The following RALYL variants were observed in gnomAD, a reference collection of about 807,000 sequenced individuals.
RALYL encodes the protein RNA-binding Raly-like protein.
In RALYL, 29 loss-of-function variants were observed where a neutral mutation model predicts 35.1. That is an observed-to-expected ratio of 0.83 (90% confidence interval 0.61 to 1.13). RALYL has a LOEUF of 1.13. Ranked by LOEUF, RALYL falls within the 50% of genes most tolerant of loss-of-function variation. The pLI is 0.00. For synonymous variants in RALYL, 120 were observed against 127.6 expected, an observed-to-expected ratio of 0.94 and a Z score of 0.40; for missense variants, 359 against 360.4, an observed-to-expected ratio of 1.00 and a Z score of 0.03.
chr8:84,713,842 C>T (rs898686823), intron 2 of RALYL, among the ~76,000 whole-genome samples: 8 of 150,068 alleles, frequency 5.3e-5, no homozygotes, highest in Admixed American at 4.0e-4. Flanking sequence ...AAATGTCCAT[C>T]CACAGATAGG....
chr8:84,467,303 C>T (rs1067017), intron 1 of RALYL, among the ~76,000 whole-genome samples: 1 of 151,506 alleles, frequency 6.6e-6, no homozygotes, highest in African/African-American at 2.4e-5. Context: ...TCCCTCTACA[C>T]ACTGCTTTGA....
At chr8:84,499,831 T>G (rs1175240556) in intron 1 of RALYL, among the ~76,000 whole-genome samples, 1 of 152,186 alleles carries the variant, frequency 6.6e-6, no homozygotes, top group African/African-American at 2.4e-5. Context: ...CATGGCTTAC[T>G]GCAGCCTCAA....
chr8:84,310,902 C>T lies in RALYL; in HGVS notation c.-24+126478C>T, dbSNP rs1417051541. Among the ~76,000 whole-genome samples the T allele has an allele frequency of 8.3e-5, 12 of 144,228 alleles. 2 individuals carry two copies. Among genetic ancestry groups the T allele is most frequent in the African/African-American group, 3.1e-4 (12 of 38,126 alleles). 94.6% of individuals were successfully genotyped at this position (144,228 alleles called of 152,430 possible). A position where few individuals can be genotyped will look rare whatever the true frequency, so the allele number is the denominator to read the frequency against. Reference sequence around the variant, plus strand: ...CTCTACTAAAAATACAAAAAATTAGCCGGGCGCGGTGGCGGGCGCCTGTAG... The same window carrying T: ...CTCTACTAAAAATACAAAAAATTAGTCGGGCGCGGTGGCGGGCGCCTGTAG... On this transcript the variant is annotated intron_variant, in intron 1 of 8. Coordinates refer to ENST00000521268, the MANE Select transcript of RALYL (RefSeq NM_173848.7).
At chr8:84,892,545 G>GA (rs1844036466) in intron 8 of RALYL, among the ~76,000 whole-genome samples, 1 of 151,814 alleles carries the variant, frequency 6.6e-6, no homozygotes, top group South Asian at 2.1e-4. Context: ...AAGAGACGGG[G>GA]GTTGTTGTGA....
At chr8:84,762,720 G>A (rs1409622979) in intron 2 of RALYL, among the ~76,000 whole-genome samples, 2 of 151,978 alleles carry the variant, frequency 1.3e-5, no homozygotes, top group South Asian at 2.1e-4. Context: ...CTATAACTGG[G>A]AATCAATAAT....
At chr8:84,255,858 A>G (rs565878174) in intron 1 of RALYL, among the ~76,000 whole-genome samples, 2 of 152,288 alleles carry the variant, frequency 1.3e-5, no homozygotes, top group African/African-American at 2.4e-5. Flanking sequence ...GAGATATTGC[A>G]TATAATTTCA....
intron 1 of RALYL, among the ~76,000 whole-genome samples, chr8:84,429,551 A>T (rs1267482677): frequency 6.6e-6 from 1 of 152,076 alleles, no homozygotes; most frequent in Non-Finnish European, 1.5e-5. Flanking sequence ...ACAGATACAG[A>T]TACATATGCA....
intron 1 of RALYL, among the ~76,000 whole-genome samples, chr8:84,392,960 C>A (rs1861035425): frequency 6.6e-6 from 1 of 152,012 alleles, no homozygotes; most frequent in South Asian, 2.1e-4. Flanking sequence ...GTGTTGCTTT[C>A]TGTGTTTCAG....
chr8:84,458,328 A>C (rs1470665414), intron 1 of RALYL, among the ~76,000 whole-genome samples: 1 of 151,830 alleles, frequency 6.6e-6, no homozygotes, highest in Admixed American at 6.6e-5. Flanking sequence ...TTTAAGTAAA[A>C]CAATGAGGGC....
intron 3 of RALYL, among the ~76,000 whole-genome samples, chr8:84,804,017 A>C (rs1823994016): frequency 6.6e-6 from 1 of 152,224 alleles, no homozygotes; most frequent in Non-Finnish European, 1.5e-5. Flanking sequence ...ATTATCTAGG[A>C]ACTATTTAGA....
chr8:84,286,862 G>A (rs953918156), intron 1 of RALYL, among the ~76,000 whole-genome samples: 1 of 152,144 alleles, frequency 6.6e-6, no homozygotes, highest in East Asian at 1.9e-4. Context: ...GCAAAGAATG[G>A]CAGTCAGGGT....
chr8:84,276,683 A>G (rs1835448988), intron 1 of RALYL, among the ~76,000 whole-genome samples: 1 of 152,212 alleles, frequency 6.6e-6, no homozygotes, highest in Admixed American at 6.5e-5. Context: ...GAATTTAAGA[A>G]GAATCCCTGA....
At chr8:84,262,847 AT>A (rs1669430072) in intron 1 of RALYL, among the ~76,000 whole-genome samples, 1 of 152,116 alleles carries the variant, frequency 6.6e-6, no homozygotes, top group African/African-American at 2.4e-5. Context: ...TTTCATGAAG[AT>A]TTTGTTTCAC....
intron 1 of RALYL, among the ~76,000 whole-genome samples, chr8:84,500,979 C>T (rs1315167768): frequency 1.3e-5 from 2 of 152,122 alleles, no homozygotes; most frequent in Non-Finnish European, 2.9e-5. Context: ...TCAATTCTGG[C>T]TCTCAAACTT....
chr8:84,261,107 G>GTTTTT (rs1424966634), intron 1 of RALYL, among the ~76,000 whole-genome samples: 55 of 148,548 alleles, frequency 3.7e-4, no homozygotes, highest in African/African-American at 1.3e-3. Context: ...TTATTTACAG[G>GTTTTT]TTTTTTTTTT....
chr8:84,338,149 A>G (rs1428958296), intron 1 of RALYL, among the ~76,000 whole-genome samples: 1 of 151,756 alleles, frequency 6.6e-6, no homozygotes, highest in Non-Finnish European at 1.5e-5. Flanking sequence ...GAGATACCTT[A>G]CATTCCTCCA....
intron 2 of RALYL, among the ~76,000 whole-genome samples, chr8:84,700,144 G>A (rs1839934870): frequency 6.6e-6 from 1 of 151,928 alleles, no homozygotes; most frequent in Admixed American, 6.6e-5. Flanking sequence ...GCTACAAAAA[G>A]ATAAAACTCA....
At chr8:84,295,037 C>T (rs1839496692) in intron 1 of RALYL, among the ~76,000 whole-genome samples, 1 of 152,066 alleles carries the variant, frequency 6.6e-6, no homozygotes, top group Non-Finnish European at 1.5e-5. Flanking sequence ...TCTCACTCCC[C>T]AGATATTACC....
At chr8:84,418,030 A>G (rs2044935743) in intron 1 of RALYL, among the ~76,000 whole-genome samples, 1 of 152,216 alleles carries the variant, frequency 6.6e-6, no homozygotes, top group South Asian at 2.1e-4. Flanking sequence ...AAATGTGGAA[A>G]TACAAATTCA....
Sources: gnomAD v4.1 joint callset for allele counts (sites outside exome capture counted in the v4.1 genomes callset) on GRCh38, gnomAD v4.1.1 for gene constraint, MANE v1.5 for transcripts, NCBI Gene and HGNC (gene_info 2026-07-23, HGNC 2026-07-21) for gene names.